Variants in TCERG1L observed in about 807,000 individuals in gnomAD.
TCERG1L encodes transcription elongation regulator 1 like, also known as transcription elongation regulator 1-like protein.
Under a neutral mutation model 56.3 loss-of-function variants are expected in TCERG1L, and 37 were observed. That is an observed-to-expected ratio of 0.66 (90% CI 0.51 to 0.87). The LOEUF (loss-of-function observed/expected upper bound fraction) is 0.87. Ranked by LOEUF, TCERG1L falls within the 40% of genes least tolerant of loss-of-function variation. TCERG1L has a pLI of 0.00. For missense variants in TCERG1L, 799 were observed against 774.2 expected (o/e 1.03, Z -0.38); for synonymous variants, 324 against 326.3 (o/e 0.99, Z 0.08).
At chr10:131,245,366 A>G (rs554026221) in intron 4 of TCERG1L, among the ~76,000 whole-genome samples, 2 of 152,280 alleles carry the variant, frequency 1.3e-5, no homozygotes, top group Admixed American at 1.3e-4. Flanking sequence ...TATTTCTGGG[A>G]ATAACAGCCA....
At chr10:131,279,886 G>C (rs538996331) in intron 3 of TCERG1L, among the ~76,000 whole-genome samples, 2 of 152,046 alleles carry the variant, frequency 1.3e-5, no homozygotes, top group Admixed American at 6.5e-5. Context: ...CTACTCTCTC[G>C]GGGGCACACC....
chr10:131,246,394 T>C (rs1846037765), intron 4 of TCERG1L, among the ~76,000 whole-genome samples: 1 of 152,036 alleles, frequency 6.6e-6, no homozygotes, highest in African/African-American at 2.4e-5. Flanking sequence ...ATGCTGGACC[T>C]GGAGGGGTCT....
At chr10:131,280,905 G>A (rs1324352972) in intron 3 of TCERG1L, among the ~76,000 whole-genome samples, 1 of 152,196 alleles carries the variant, frequency 6.6e-6, no homozygotes, top group Non-Finnish European at 1.5e-5. Flanking sequence ...CAGGTATAAA[G>A]TGAAGAAATT....
intron 4 of TCERG1L, among the ~76,000 whole-genome samples, chr10:131,200,715 G>A (rs568019517): frequency 1.3e-5 from 2 of 152,338 alleles, no homozygotes; most frequent in Admixed American, 6.5e-5. Flanking sequence ...TGGAATTACT[G>A]AAATGGAATG....
intron 4 of TCERG1L, among the ~76,000 whole-genome samples, chr10:131,179,481 C>T (rs1845146216): frequency 6.6e-6 from 1 of 152,198 alleles, no homozygotes. Context: ...TGCCCTCCCT[C>T]GGTGATCACC....
At chr10:131,210,330 T>TC (rs1564816758) in intron 4 of TCERG1L, among the ~76,000 whole-genome samples, 1 of 151,904 alleles carries the variant, frequency 6.6e-6, no homozygotes, top group Non-Finnish European at 1.5e-5. Context: ...GTGCCCACAG[T>TC]CCCCCCAACC....
chr10:131,196,118 G>T (rs1257578515), intron 4 of TCERG1L, among the ~76,000 whole-genome samples: 1 of 152,206 alleles, frequency 6.6e-6, no homozygotes, highest in African/African-American at 2.4e-5. Context: ...TACTCCCGTT[G>T]CAGGAGACAA....
intron 8 of TCERG1L, among the ~76,000 whole-genome samples, chr10:131,131,617 T>G (rs1845618718): frequency 6.6e-6 from 1 of 152,182 alleles, no homozygotes; most frequent in African/African-American, 2.4e-5. Flanking sequence ...AAGTTTCATG[T>G]GGACCTGAAT....
chr10:131,121,312 G>C (rs1006804799), intron 8 of TCERG1L, among the ~76,000 whole-genome samples: 1 of 152,196 alleles, frequency 6.6e-6, no homozygotes, highest in Non-Finnish European at 1.5e-5. Flanking sequence ...TTACAGGTGA[G>C]GATGACTTGC....
At chr10:131,261,554 G>T (rs542218933) in intron 3 of TCERG1L, among the ~76,000 whole-genome samples, 84 of 152,320 alleles carry the variant, frequency 5.5e-4, no homozygotes, top group African/African-American at 1.9e-3. Flanking sequence ...GCCAGAGCGA[G>T]GTCTCATGAT....
chr10:131,144,590 A>T (rs1015830958), intron 7 of TCERG1L, among the ~76,000 whole-genome samples: 1 of 152,210 alleles, frequency 6.6e-6, no homozygotes, highest in African/African-American at 2.4e-5. Flanking sequence ...GGTTAAAAAA[A>T]AAAAGACTGG....
chr10:131,129,348 T>A (rs764242780), intron 8 of TCERG1L, among the ~76,000 whole-genome samples: 5 of 152,274 alleles, frequency 3.3e-5, no homozygotes, highest in Admixed American at 6.5e-5. Context: ...TACTATTATA[T>A]TCTAGAATAT....
intron 4 of TCERG1L, among the ~76,000 whole-genome samples, chr10:131,203,040 C>T (rs72841303): frequency 0.11 from 16,211 of 152,098 alleles, 1,088 homozygotes; most frequent in East Asian, 0.17. Context: ...AAGGTCACGC[C>T]GACACCGATG....
At chr10:131,134,098 G>T (rs1370365572) in intron 8 of TCERG1L, among the ~76,000 whole-genome samples, 1 of 152,102 alleles carries the variant, frequency 6.6e-6, no homozygotes, top group Non-Finnish European at 1.5e-5. Context: ...ACTCCTACAG[G>T]ACTCTGGAAA....
chr10:131,237,333 C>G (rs1277791889), intron 4 of TCERG1L, among the ~76,000 whole-genome samples: 1 of 152,130 alleles, frequency 6.6e-6, no homozygotes, highest in Non-Finnish European at 1.5e-5. Flanking sequence ...GGTCACTTTC[C>G]ACCACACCAC....
intron 4 of TCERG1L, among the ~76,000 whole-genome samples, chr10:131,237,246 C>A (rs557188806): frequency 7.2e-5 from 11 of 152,098 alleles, no homozygotes; most frequent in Admixed American, 1.3e-4. Flanking sequence ...TTCTGAGAGC[C>A]CACATGGAGA....
chr10:131,296,379 TTTTC>T (rs1846690283), intron 3 of TCERG1L, among the ~76,000 whole-genome samples: 3 of 152,252 alleles, frequency 2.0e-5, no homozygotes, highest in African/African-American at 7.2e-5. Flanking sequence ...CAAGATGGTC[TTTTC>T]TTTATTGATT....
At position 131,260,199 on chromosome 10, in the gene TCERG1L, G is replaced by A; in HGVS notation, c.856+60C>T. ...GGCCCAGGCCAGGGGCATCTAACCA[G>A]GAAGCCTCCGCGCGCTCGCTAAGGC... On this transcript the variant is annotated intron_variant, in intron 4 of 11. Transcript: ENST00000368642. The surrounding 1 kb of genome is among the most constrained non-coding windows in gnomAD (Gnocchi z 5.8). 1 of 1,285,224 alleles carries A rather than the reference G, an allele frequency of 7.8e-7. No homozygotes were observed. Among genetic ancestry groups the A allele is most frequent in the Non-Finnish European group, 9.9e-7 (1 of 1,014,342 alleles). 79.6% of individuals were successfully genotyped at this position (1,285,224 alleles called of 1,614,324 possible).
chr10:131,172,042 A>G (rs1405365719), intron 4 of TCERG1L, among the ~76,000 whole-genome samples: 1 of 152,260 alleles, frequency 6.6e-6, no homozygotes. Flanking sequence ...AATTCCATAA[A>G]TATTGACCTC....
Sources: gnomAD v4.1 joint callset for allele counts (sites outside exome capture counted in the v4.1 genomes callset) on GRCh38, gnomAD v4.1.1 for gene constraint, Gnocchi (gnomAD v3.1) non-coding constraint, MANE v1.5 for transcripts, NCBI Gene and HGNC (gene_info 2026-07-23, HGNC 2026-07-21) for gene names.